Variants in MIOS observed in about 807,000 individuals in gnomAD.
The protein encoded by MIOS is GATOR2 complex protein MIOS.
Under a neutral mutation model 96.9 loss-of-function variants are expected in MIOS, and 52 were observed. That is an observed-to-expected ratio of 0.54 (90% CI 0.43 to 0.68). MIOS has a LOEUF of 0.68. Among genes scored for constraint, MIOS ranks in the 30% least tolerant of loss-of-function variants. MIOS has a pLI of 0.00. For missense variants in MIOS, 1,005 were observed against 1,052.8 expected (o/e 0.95, Z 0.63); for synonymous variants, 397 against 359.5 (o/e 1.10, Z -1.18).
Position 7,572,223 on chromosome 7 carries a change from C to T in MIOS, c.-40-213C>T, listed in dbSNP as rs1004434900. Among the ~76,000 whole-genome samples the T allele has an allele frequency of 2.0e-5, 3 of 152,084 alleles. No homozygotes were observed. The highest frequency in any genetic ancestry group is 4.4e-5 in the Non-Finnish European group (3 of 68,018). On this transcript the variant is annotated intron_variant, in intron 3 of 12. Transcript: ENST00000340080. The surrounding 1 kb of genome is among the most constrained non-coding windows in gnomAD (Gnocchi z 4.8). ...TAGCCAGGATGGGATTCTCAGATTCCTACCAGCTCATTTTATTGGAAGTGG... is the reference window on the plus strand; with the variant it reads ...TAGCCAGGATGGGATTCTCAGATTCTTACCAGCTCATTTTATTGGAAGTGG...
At chr7:7,588,040 G>T (rs6966601) in intron 7 of MIOS, among the ~76,000 whole-genome samples, 17 of 152,136 alleles carry the variant, frequency 1.1e-4, no homozygotes, top group African/African-American at 3.4e-4. Flanking sequence ...ACTTGGAAAC[G>T]TATATTGGTA....
At chr7:7,587,856 A>G (rs530459391) in intron 7 of MIOS, among the ~76,000 whole-genome samples, 10 of 152,348 alleles carry the variant, frequency 6.6e-5, no homozygotes, top group Admixed American at 1.3e-4. Context: ...TACAAAATTA[A>G]TTGTACCTTC....
Position 7,572,047 on chromosome 7 carries a change from A to G in MIOS, c.-40-389A>G, listed in dbSNP as rs920983335. Among the ~76,000 whole-genome samples the G allele has an allele frequency of 6.6e-6, 1 of 152,220 alleles. No homozygotes were observed. The highest frequency in any genetic ancestry group is 1.5e-5 in the Non-Finnish European group (1 of 68,050). ...GTTTTATTGGGCAGTGCTGCTTTAAACTATTGCTTAGGAATATGATTCATA... is the reference window on the plus strand; with the variant it reads ...GTTTTATTGGGCAGTGCTGCTTTAAGCTATTGCTTAGGAATATGATTCATA... On this transcript the variant is annotated intron_variant, in intron 3 of 12. Coordinates refer to ENST00000340080, the MANE Select transcript of MIOS (RefSeq NM_019005.4). This position sits in a 1 kb window ranked among gnomAD's most constrained non-coding sequence, Gnocchi z 4.8.
chr7:7,594,977 T>C lies in MIOS; in HGVS notation c.2044-3T>C, dbSNP rs755377685. ...ATTGAAATAATTCATGTTTTCGTTT[T>C]AGGGTTCACCTTTAGATGTTCTTAA... On this transcript the variant is annotated splice_polypyrimidine_tract_variant and splice_region_variant and intron_variant, in intron 9 of 12. Transcript: ENST00000340080. 2.5e-6 allele frequency: 4 copies of C among 1,590,844 alleles called. No individual in the cohort carries two copies. The South Asian group carries it at 4.6e-5, about 18-fold the overall frequency.
Position 7,573,376 on chromosome 7 carries a change from A to T in MIOS, c.901A>T (p.Thr301Ser). ...TATTAGATTGTATGATATGCAGCAT[A>T]CACCCACTCCCATTGGGGATGAAAC... ...NIIRLYDMQHTPTPIGDETEP... is the reference protein window; with the variant it reads ...NIIRLYDMQHSPTPIGDETEP... The change falls in exon 4 of 13, where the codon ACA becomes TCA. Residue 301 changes from threonine (T) to serine (S), a missense_variant. This residue lies in a region of MIOS where 865 missense variants were observed against 887.9 expected (regional missense o/e 0.97). Transcript: ENST00000340080. This position sits in a 1 kb window ranked among gnomAD's most constrained non-coding sequence, Gnocchi z 5.0. 1 of 1,614,152 alleles carries T rather than the reference A, an allele frequency of 6.2e-7. No homozygotes were observed. The highest frequency in any genetic ancestry group is 8.5e-7 in the Non-Finnish European group (1 of 1,179,978).
rs532256102 is a variant in MIOS, at chr7:7,594,447, A to G, written c.2044-533A>G. On this transcript the variant is annotated intron_variant, in intron 9 of 12. Transcript: ENST00000340080. ...GTAACTAGGATTATAGGCGCCTGCC[A>G]CCACACCTGGCTAATTTTTGTATTT... Among the ~76,000 whole-genome samples the G allele has an allele frequency of 6.5e-3, 995 of 152,206 alleles. 11 individuals carry two copies. Among genetic ancestry groups the G allele is most frequent in the Admixed American group, 0.013 (198 of 15,286 alleles).
intron 11 of MIOS, among the ~76,000 whole-genome samples, chr7:7,599,360 A>G (rs1332345431): frequency 1.3e-5 from 2 of 152,188 alleles, no homozygotes; most frequent in East Asian, 3.8e-4. Context: ...TAAAATCCCA[A>G]ACATCCTGGA....
At chr7:7,570,077 G>A (rs781133948) in intron 3 of MIOS, among the ~76,000 whole-genome samples, 4 of 152,138 alleles carry the variant, frequency 2.6e-5, no homozygotes, top group Admixed American at 1.3e-4. Flanking sequence ...TTTTACTCTG[G>A]TATTCTATAA....
At chr7:7,597,270 G>C (rs184098603) in intron 11 of MIOS, among the ~76,000 whole-genome samples, 2 of 150,838 alleles carry the variant, frequency 1.3e-5, no homozygotes, top group East Asian at 3.9e-4. Flanking sequence ...AGGTTGCAGT[G>C]AGCCAAGATC....
intron 6 of MIOS, among the ~76,000 whole-genome samples, chr7:7,583,607 T>C (rs1176430497): frequency 6.6e-6 from 1 of 152,142 alleles, no homozygotes; most frequent in African/African-American, 2.4e-5. Flanking sequence ...GTTAGTATAA[T>C]ATTATAAGGA....
intron 7 of MIOS, among the ~76,000 whole-genome samples, chr7:7,587,024 G>A (rs1038827205): frequency 9.0e-6 from 1 of 111,604 alleles, no homozygotes; most frequent in Non-Finnish European, 1.9e-5. Flanking sequence ...TGTTGTTGTT[G>A]TTTTTGAGAC....
At chr7:7,591,162 G>A (rs1335053483) in intron 9 of MIOS, among the ~76,000 whole-genome samples, 1 of 151,918 alleles carries the variant, frequency 6.6e-6, no homozygotes, top group Non-Finnish European at 1.5e-5. Flanking sequence ...AACTGAAAAT[G>A]TCTATTTCAC....
At chr7:7,579,862 C>T (rs1202652658) in intron 5 of MIOS, among the ~76,000 whole-genome samples, 6 of 152,220 alleles carry the variant, frequency 3.9e-5, no homozygotes, top group Middle Eastern at 3.4e-3. Context: ...CATACAACAA[C>T]GAAATTGCGT....
rs552723145 is a variant in MIOS at position 7,570,353 on chromosome 7, T to C, written c.-40-2083T>C. ...GTAAGAATATTGAAATGATTGATCT[T>C]GGGCTTGAGAAATGCTAAAGAAGGA... is the stretch of plus-strand genomic sequence containing the variant. On this transcript the variant is annotated intron_variant, in intron 3 of 12. Transcript: ENST00000340080. Among the ~76,000 whole-genome samples the C allele has an allele frequency of 2.0e-5, 3 of 152,082 alleles. No homozygotes were observed. In the East Asian group the frequency reaches 5.8e-4, roughly 29 times the overall value.
chr7:7,595,781 G>C (rs987389541), intron 10 of MIOS, among the ~76,000 whole-genome samples: 1 of 151,912 alleles, frequency 6.6e-6, no homozygotes, highest in African/African-American at 2.4e-5. Flanking sequence ...AGCAATTTAC[G>C]GTAAAAACAA....
At chr7:7,582,574 T>G in intron 5 of MIOS, 1 of 896,806 alleles carries the variant, frequency 1.1e-6, no homozygotes, top group Non-Finnish European at 1.3e-6. Flanking sequence ...AAATTATTAC[T>G]TACCTTAAAC....
rs771175458 is a variant in MIOS at position 7,607,064 on chromosome 7, TG to T, written c.2602del (p.Val868TyrfsTer14). ...KCMQLDTTGN[L>X]VPAETVQP The stretch of plus-strand genomic sequence containing the variant: ...ATGCAGTTGGATACAACAGGGAATC[TG>T]GTACCTGCAGAGACTGTCCAGCCAT... On this transcript the variant is annotated frameshift_variant, in exon 13 of 13. Transcript: ENST00000340080. The T allele has an allele frequency of 9.9e-6, 16 of 1,612,764 alleles. No homozygotes were observed. The highest frequency in any genetic ancestry group is 1.3e-5 in the Non-Finnish European group (15 of 1,179,280).
chr7:7,605,770 A>G, intron 11 of MIOS, 172 bp from the exon 12 acceptor site: 1 of 514,538 alleles, frequency 1.9e-6, no homozygotes, highest in Non-Finnish European at 3.2e-6. Flanking sequence ...AATGTAGGGG[A>G]GCTTCTGTCA....
intron 3 of MIOS, among the ~76,000 whole-genome samples, chr7:7,569,469 A>G (rs1004968774): frequency 6.6e-6 from 1 of 152,344 alleles, no homozygotes; most frequent in Admixed American, 6.5e-5. Flanking sequence ...AGCCTCTCCT[A>G]GGGAGCGTAG....
Sources: allele counts gnomAD v4.1 joint callset (sites outside exome capture counted in the v4.1 genomes callset), GRCh38; gene constraint gnomAD v4.1.1; regional missense constraint gnomAD v4.1.1; non-coding constraint Gnocchi (gnomAD v3.1); transcripts MANE v1.5; gene names NCBI Gene and HGNC (gene_info 2026-07-23, HGNC 2026-07-21).